HIGD1C: variants seen among roughly 807,000 people sequenced by gnomAD.
HIGD1C encodes HIG1 domain family member 1C.
HIGD1C carries 11 observed loss-of-function variants against 13.1 expected under a neutral mutation model. The ratio of observed to expected loss-of-function variants is 0.84; its 90% CI spans 0.53 to 1.39. The LOEUF (loss-of-function observed/expected upper bound fraction) is 1.39. Among genes scored for constraint, HIGD1C ranks in the 40% most tolerant of loss-of-function variants. HIGD1C has a pLI of 0.00. For missense variants in HIGD1C, 110 were observed against 112.0 expected (o/e 0.98, Z 0.08); for synonymous variants, 36 against 37.7 (o/e 0.95, Z 0.17).
At chr12:50,961,251 TG>T in intron 2 of HIGD1C, 149 bp downstream of exon 4, 1 of 849,128 alleles carries the variant, frequency 1.2e-6, no homozygotes, top group Non-Finnish European at 1.8e-6. Flanking sequence ...GTTGAGGTTG[TG>T]GCCCAGTTGT....
intron 1 of HIGD1C, among the ~76,000 whole-genome samples, chr12:50,956,293 G>T (rs905116789): frequency 1.3e-5 from 2 of 152,186 alleles, no homozygotes; most frequent in African/African-American, 4.8e-5. Context: ...TCAGGAGGCT[G>T]AGGCGGGAGA....
the HIGD1C span, among the ~76,000 whole-genome samples, chr12:50,944,108 A>G: frequency 6.6e-6 from 1 of 152,064 alleles, no homozygotes; most frequent in Admixed American, 6.6e-5. Flanking sequence ...CACTTCATAG[A>G]ACAAAAAAAT....
chr12:50,943,335 G>A, the HIGD1C span, among the ~76,000 whole-genome samples: 2 of 152,082 alleles, frequency 1.3e-5, no homozygotes, highest in East Asian at 1.9e-4. Context: ...CCCTCTGCCT[G>A]GAGTACCCAT....
intron 2 of HIGD1C, among the ~76,000 whole-genome samples, chr12:50,968,607 TC>T (rs1939638234): frequency 6.6e-6 from 1 of 152,052 alleles, no homozygotes; most frequent in Non-Finnish European, 1.5e-5. Context: ...TGGAGTGCAA[TC>T]TCAGCTCACT....
the HIGD1C span, among the ~76,000 whole-genome samples, chr12:50,948,556 CT>C: frequency 6.6e-6 from 1 of 151,688 alleles, no homozygotes. Context: ...GGAATTTACC[CT>C]GAAAATATAC....
chr12:50,970,507 A>G (rs2136105721), downstream of HIGD1C: 1 of 1,518,692 alleles, frequency 6.6e-7, no homozygotes, highest in East Asian at 2.4e-5. Context: ...CAAAAAATGA[A>G]GCTTACATGC....
chr12:50,964,007 C>T (rs76586625), intron 2 of HIGD1C, among the ~76,000 whole-genome samples: 2,439 of 152,252 alleles, frequency 0.016, 64 homozygotes, highest in African/African-American at 0.055. Flanking sequence ...TCCCTTCATA[C>T]GTCTTTGGAT....
the HIGD1C span, among the ~76,000 whole-genome samples, chr12:50,944,139 G>GT: frequency 1.7e-4 from 26 of 152,162 alleles, no homozygotes; most frequent in South Asian, 3.1e-3. Flanking sequence ...GACTGGAAAT[G>GT]TAAGAACCTC....
the HIGD1C span, among the ~76,000 whole-genome samples, chr12:50,938,785 C>G: frequency 6.6e-6 from 1 of 152,164 alleles, no homozygotes; most frequent in African/African-American, 2.4e-5. Context: ...AATGACAAAC[C>G]ATTTGTGTGA....
upstream of HIGD1C, among the ~76,000 whole-genome samples, chr12:50,951,969 A>G (rs1025226899): frequency 6.6e-6 from 1 of 151,234 alleles, no homozygotes; most frequent in Non-Finnish European, 1.5e-5. Flanking sequence ...ACAGACAAAG[A>G]TGATTAGGAA....
the HIGD1C span, among the ~76,000 whole-genome samples, chr12:50,940,801 C>A: frequency 0.086 from 13,020 of 151,712 alleles, 791 homozygotes; most frequent in African/African-American, 0.17. Context: ...ATGCTGTATA[C>A]CAAGTTGCTT....
chr12:50,948,455 G>C, the HIGD1C span, among the ~76,000 whole-genome samples: 1 of 152,142 alleles, frequency 6.6e-6, no homozygotes, highest in Admixed American at 6.5e-5. Context: ...TTGCTGGTGG[G>C]AATGCCAATA....
the HIGD1C span, among the ~76,000 whole-genome samples, chr12:50,942,967 G>T: frequency 1.3e-5 from 2 of 150,368 alleles, no homozygotes; most frequent in South Asian, 4.3e-4. Context: ...CCAGGTTCAA[G>T]CAATTCTCCT....
At chr12:50,966,022 G>A (rs1939529183) in intron 2 of HIGD1C, among the ~76,000 whole-genome samples, 1 of 152,026 alleles carries the variant, frequency 6.6e-6, no homozygotes, top group Non-Finnish European at 1.5e-5. Flanking sequence ...TCAGTTCTAG[G>A]GATACCATAA....
chr12:50,968,113 G>GGAGGAGGAGGAGAAT (rs1939611630), intron 2 of HIGD1C, among the ~76,000 whole-genome samples: 1 of 151,920 alleles, frequency 6.6e-6, no homozygotes, highest in Non-Finnish European at 1.5e-5. Context: ...AGGAGGAGGA[G>GGAGGAGGAGGAGAAT]GAGGAGGAGG....
At chr12:50,956,535 A>C (rs1939103516) in intron 1 of HIGD1C, among the ~76,000 whole-genome samples, 4 of 152,228 alleles carry the variant, frequency 2.6e-5, no homozygotes, top group Non-Finnish European at 5.9e-5. Flanking sequence ...TATCTTAAGC[A>C]ACTTCCATCA....
chr12:50,931,383 T>G, the HIGD1C span: 2 of 151,860 alleles, frequency 1.3e-5, no homozygotes, highest in Non-Finnish European at 2.9e-5. Context: ...CAGCACAGAT[T>G]TTTTCTTTCT....
chr12:50,936,572 A>C, the HIGD1C span, among the ~76,000 whole-genome samples: 1 of 152,234 alleles, frequency 6.6e-6, no homozygotes, highest in Non-Finnish European at 1.5e-5. Flanking sequence ...TGCCTGACTC[A>C]GAAGCCCAGG....
At chr12:50,945,542 C>T in the HIGD1C span, among the ~76,000 whole-genome samples, 4 of 152,030 alleles carry the variant, frequency 2.6e-5, no homozygotes, top group South Asian at 2.1e-4. Context: ...AGGACCTCTC[C>T]AAGGAGAACT....
Sources: allele counts gnomAD v4.1 joint callset (sites outside exome capture counted in the v4.1 genomes callset), GRCh38; gene constraint gnomAD v4.1.1; transcripts MANE v1.5; gene names NCBI Gene and HGNC (gene_info 2026-07-23, HGNC 2026-07-21).